The following RUNX1 variants were observed in gnomAD, a reference collection of about 807,000 sequenced individuals.
RUNX1 encodes the protein RUNX family transcription factor 1.
Under a neutral mutation model 42.8 loss-of-function variants are expected in RUNX1, and 19 were observed. The observed-to-expected ratio is 0.44, with a 90% CI of 0.31 to 0.65. RUNX1 has a LOEUF of 0.65. Among genes scored for constraint, RUNX1 ranks in the 30% least tolerant of loss-of-function variants. RUNX1 has a pLI of 0.07. For missense variants in RUNX1, 528 were observed against 672.0 expected (o/e 0.79, Z 2.37); for synonymous variants, 271 against 289.4 (o/e 0.94, Z 0.64).
chr21:34,931,353 T>C (rs56001205), intron 2 of RUNX1, among the ~76,000 whole-genome samples: 6,182 of 139,466 alleles, frequency 0.044, 417 homozygotes, highest in African/African-American at 0.17. Context: ...TATATATACA[T>C]GTGTATATAT....
chr21:34,875,601 AC>A (rs1242986949), intron 5 of RUNX1, among the ~76,000 whole-genome samples: 1 of 152,166 alleles, frequency 6.6e-6, no homozygotes, highest in Non-Finnish European at 1.5e-5. Context: ...CATGAACATT[AC>A]CCGTGAAACA....
At chr21:34,891,050 C>T (rs1389245759) in intron 3 of RUNX1, among the ~76,000 whole-genome samples, 2 of 152,048 alleles carry the variant, frequency 1.3e-5, no homozygotes, top group Non-Finnish European at 2.9e-5. Context: ...ATTTGCCCCT[C>T]GGAAAGGTCC....
intron 2 of RUNX1, among the ~76,000 whole-genome samples, chr21:34,955,244 T>A (rs1165710129): frequency 1.3e-5 from 2 of 151,786 alleles, no homozygotes; most frequent in East Asian, 1.9e-4. Context: ...TTTTTTTTTT[T>A]AAAGTTATCC....
At chr21:34,877,825 A>G (rs2057836162) in intron 5 of RUNX1, among the ~76,000 whole-genome samples, 1 of 152,180 alleles carries the variant, frequency 6.6e-6, no homozygotes, top group African/African-American at 2.4e-5. Flanking sequence ...ATGGACTGGC[A>G]GCTGGTCACA....
At chr21:34,885,859 AC>A (rs1462332380) in intron 4 of RUNX1, among the ~76,000 whole-genome samples, 1 of 152,236 alleles carries the variant, frequency 6.6e-6, no homozygotes, top group Non-Finnish European at 1.5e-5. Context: ...ATCTTTTCAA[AC>A]CCACCAAAGA....
intron 2 of RUNX1, among the ~76,000 whole-genome samples, chr21:34,949,246 A>G (rs777599161): frequency 2.6e-4 from 39 of 152,220 alleles, no homozygotes; most frequent in Non-Finnish European, 5.3e-4. Flanking sequence ...CTAAACAACC[A>G]GTATCAGTAG....
At chr21:34,949,996 T>C (rs1386395089) in intron 2 of RUNX1, among the ~76,000 whole-genome samples, 1 of 152,220 alleles carries the variant, frequency 6.6e-6, no homozygotes, top group East Asian at 1.9e-4. Flanking sequence ...CATAGGATCA[T>C]AGAATTTTAT....
intron 6 of RUNX1, among the ~76,000 whole-genome samples, chr21:34,851,484 C>T (rs543732144): frequency 6.6e-6 from 1 of 152,364 alleles, no homozygotes; most frequent in South Asian, 2.1e-4. Context: ...TTCACACCCA[C>T]TGGCCTGGTG....
At chr21:35,011,518 C>T (rs550116296) in intron 2 of RUNX1, among the ~76,000 whole-genome samples, 1 of 152,266 alleles carries the variant, frequency 6.6e-6, no homozygotes, top group South Asian at 2.1e-4. Flanking sequence ...CAGAAAAGAA[C>T]TTAAAACAAC....
At chr21:34,944,079 G>A (rs2058547526) in intron 2 of RUNX1, among the ~76,000 whole-genome samples, 1 of 152,188 alleles carries the variant, frequency 6.6e-6, no homozygotes, top group South Asian at 2.1e-4. Flanking sequence ...TGTGATCACA[G>A]CTCACTGTAG....
At chr21:34,926,041 G>A (rs1189304743) in intron 2 of RUNX1, among the ~76,000 whole-genome samples, 3 of 151,978 alleles carry the variant, frequency 2.0e-5, no homozygotes, top group Non-Finnish European at 2.9e-5. Flanking sequence ...ATACACAATT[G>A]TTAACAGAAG....
chr21:34,870,522 G>A (rs771476075), intron 5 of RUNX1, among the ~76,000 whole-genome samples: 33 of 152,334 alleles, frequency 2.2e-4, no homozygotes, highest in Non-Finnish European at 4.0e-4. Context: ...GGCCAGGGGT[G>A]CTGTTAAATG....
chr21:34,928,563 G>A (rs922590235), intron 2 of RUNX1, among the ~76,000 whole-genome samples: 17 of 151,926 alleles, frequency 1.1e-4, no homozygotes, highest in African/African-American at 3.6e-4. Flanking sequence ...GCATGGTGGT[G>A]CATGCCTGTA....
At chr21:34,897,576 C>T (rs890797186) in intron 2 of RUNX1, among the ~76,000 whole-genome samples, 1 of 152,146 alleles carries the variant, frequency 6.6e-6, no homozygotes, top group Non-Finnish European at 1.5e-5. Flanking sequence ...TGGGTTATAG[C>T]TATTTAAATA....
intron 6 of RUNX1, among the ~76,000 whole-genome samples, chr21:34,854,607 G>GA (rs899382266): frequency 1.3e-5 from 2 of 149,434 alleles, no homozygotes; most frequent in South Asian, 2.1e-4. Flanking sequence ...AAAAAAAAAA[G>GA]AAAAAAGAAA....
At chr21:35,036,366 G>T (rs2059308226) in intron 2 of RUNX1, among the ~76,000 whole-genome samples, 1 of 152,154 alleles carries the variant, frequency 6.6e-6, no homozygotes, top group African/African-American at 2.4e-5. Context: ...AGCCGTGAGA[G>T]GCTGGCCAGC....
At chr21:34,811,734 G>T (rs772275151) in intron 7 of RUNX1, among the ~76,000 whole-genome samples, 58 of 152,088 alleles carry the variant, frequency 3.8e-4, no homozygotes, top group Admixed American at 2.1e-3. Flanking sequence ...ACTAGGAGGG[G>T]CCTTGCCCCA....
At chr21:34,955,060 T>C (rs562173621) in intron 2 of RUNX1, among the ~76,000 whole-genome samples, 4 of 152,276 alleles carry the variant, frequency 2.6e-5, no homozygotes, top group Admixed American at 6.5e-5. Flanking sequence ...TTTTTATCTA[T>C]AAAAATGAGA....
chr21:34,887,847 T>C (rs749905176), intron 3 of RUNX1: 5 of 1,064,886 alleles, frequency 4.7e-6, no homozygotes, highest in Non-Finnish European at 5.7e-6. Context: ...AGTGCTGAGC[T>C]AGAAGTACTT....
Sources: gnomAD v4.1 joint callset for allele counts (sites outside exome capture counted in the v4.1 genomes callset) on GRCh38, gnomAD v4.1.1 for gene constraint, MANE v1.5 for transcripts, NCBI Gene and HGNC (gene_info 2026-07-23, HGNC 2026-07-21) for gene names.